The following TRHDE variants were observed in gnomAD, a reference collection of about 807,000 sequenced individuals.
TRHDE encodes thyrotropin releasing hormone degrading enzyme, also known as thyrotropin-releasing hormone-degrading ectoenzyme.
A neutral mutation model predicts 125.7 loss-of-function variants in TRHDE; 72 were observed. The observed-to-expected ratio is 0.57, with a 90% CI of 0.47 to 0.70. The LOEUF (loss-of-function observed/expected upper bound fraction) is 0.70. Among genes scored for constraint, TRHDE ranks in the 30% least tolerant of loss-of-function variants. The pLI, the probability that TRHDE is intolerant of heterozygous loss-of-function variation, is 0.00. For synonymous variants in TRHDE, 509 were observed against 509.1 expected (o/e 1.00, Z 0.00); for missense variants, 1,110 against 1,327.1 (o/e 0.84, Z 2.54).
intron 2 of TRHDE, among the ~76,000 whole-genome samples, chr12:72,328,653 C>A (rs1011501619): frequency 4.6e-5 from 7 of 152,022 alleles, no homozygotes; most frequent in Non-Finnish European, 8.8e-5. Context: ...ACTACACATG[C>A]ATAATAAGTC....
intron 6 of TRHDE, among the ~76,000 whole-genome samples, chr12:72,538,436 C>G (rs926763364): frequency 1.3e-5 from 2 of 151,978 alleles, no homozygotes; most frequent in African/African-American, 4.8e-5. Context: ...TGTTGAGCGC[C>G]TGTTACAAGC....
At position 72,621,199 on chromosome 12, in the gene TRHDE, A is replaced by G; in HGVS notation, c.2561A>G (p.Gln854Arg). The change falls in exon 14 of 19, where the codon CAA (glutamine) becomes CGA (arginine). Residue 854 changes from glutamine to arginine, a missense_variant. Coordinates refer to ENST00000261180, the MANE Select transcript of TRHDE (RefSeq NM_013381.3). ...GGATCTCTTGTTCAAGCATCCTACCAACATGAGTACTGTTTTATTTTCTTA... is the reference window on the plus strand; with the variant it reads ...GGATCTCTTGTTCAAGCATCCTACCGACATGAGTACTGTTTTATTTTCTTA... ...FNGSLVQASY[Q>R]HEELRREVIM... is the part of the protein sequence containing the mutation. The G allele has an allele frequency of 6.2e-7, 1 of 1,602,782 alleles. No individual in the cohort carries two copies. The highest frequency in any genetic ancestry group is 1.1e-5 in the South Asian group (1 of 90,878).
intron 7 of TRHDE, among the ~76,000 whole-genome samples, chr12:72,553,189 A>G (rs1043792569): frequency 2.0e-5 from 3 of 152,078 alleles, no homozygotes; most frequent in African/African-American, 7.2e-5. Flanking sequence ...GTGATTATGA[A>G]TTTATCATAA....
chr12:72,134,120 G>C (rs1232040060), intron 2 of TRHDE, among the ~76,000 whole-genome samples: 1 of 152,100 alleles, frequency 6.6e-6, no homozygotes, highest in Non-Finnish European at 1.5e-5. Flanking sequence ...GCTGATCTCT[G>C]GTTTCCTTCT....
intron 7 of TRHDE, among the ~76,000 whole-genome samples, chr12:72,560,120 A>T (rs1459267937): frequency 1.5e-5 from 2 of 137,086 alleles, no homozygotes; most frequent in South Asian, 2.1e-4. Flanking sequence ...TCTCTTTTAA[A>T]AAAGGGAAAC....
chr12:72,640,291 C>A (rs928901416), intron 15 of TRHDE, among the ~76,000 whole-genome samples: 2 of 152,220 alleles, frequency 1.3e-5, no homozygotes, highest in African/African-American at 4.8e-5. Context: ...TCACCCCTTT[C>A]TTTGACAAGG....
At chr12:72,573,501 A>C (rs1870842999) in intron 10 of TRHDE, among the ~76,000 whole-genome samples, 1 of 151,938 alleles carries the variant, frequency 6.6e-6, no homozygotes, top group South Asian at 2.1e-4. Flanking sequence ...TCTTCCATTG[A>C]ATCATAGATT....
intron 2 of TRHDE, among the ~76,000 whole-genome samples, chr12:72,178,733 A>T (rs1182080795): frequency 2.0e-5 from 3 of 152,134 alleles, no homozygotes; most frequent in Non-Finnish European, 4.4e-5. Flanking sequence ...TACTTCTAAT[A>T]CATAAGAAGA....
At chr12:72,293,018 T>A (rs1880148121) in intron 2 of TRHDE, among the ~76,000 whole-genome samples, 1 of 152,144 alleles carries the variant, frequency 6.6e-6, no homozygotes, top group African/African-American at 2.4e-5. Flanking sequence ...TGGGGTTAAC[T>A]TGATCGCTGG....
intron 2 of TRHDE, among the ~76,000 whole-genome samples, chr12:72,335,814 G>T (rs1377680569): frequency 6.6e-6 from 1 of 152,092 alleles, no homozygotes; most frequent in Non-Finnish European, 1.5e-5. Context: ...TGATAAGTGG[G>T]CAAGATATTT....
chr12:72,193,732 A>T (rs1877383067), intron 2 of TRHDE, among the ~76,000 whole-genome samples: 1 of 152,210 alleles, frequency 6.6e-6, no homozygotes, highest in Non-Finnish European at 1.5e-5. Context: ...AGACAGAAAG[A>T]ATAAATACAC....
intron 2 of TRHDE, among the ~76,000 whole-genome samples, chr12:72,338,540 A>T (rs1424564979): frequency 6.6e-6 from 1 of 152,170 alleles, no homozygotes; most frequent in Non-Finnish European, 1.5e-5. Context: ...CTAGCTTTTT[A>T]TCTGACATCC....
chr12:72,204,812 A>G (rs752964691), intron 2 of TRHDE, among the ~76,000 whole-genome samples: 7 of 152,142 alleles, frequency 4.6e-5, no homozygotes, highest in Non-Finnish European at 8.8e-5. Flanking sequence ...TTTCCTCACT[A>G]GTATTTTCAG....
intron 2 of TRHDE, among the ~76,000 whole-genome samples, chr12:72,122,365 A>G (rs1209558727): frequency 6.6e-6 from 1 of 152,180 alleles, no homozygotes; most frequent in Non-Finnish European, 1.5e-5. Flanking sequence ...TGATTAATTG[A>G]TTAGTTGTGA....
At chr12:72,165,529 A>AT (rs1390956675) in intron 2 of TRHDE, among the ~76,000 whole-genome samples, 3 of 151,996 alleles carry the variant, frequency 2.0e-5, no homozygotes, top group Admixed American at 6.6e-5. Context: ...ACCTCAGAGT[A>AT]TTTTTTGGTA....
intron 2 of TRHDE, among the ~76,000 whole-genome samples, chr12:72,376,790 T>G (rs1185721520): frequency 6.6e-6 from 1 of 152,136 alleles, no homozygotes; most frequent in Non-Finnish European, 1.5e-5. Flanking sequence ...TTTATTTGTT[T>G]TTAATTGAAT....
chr12:72,264,819 T>G (rs965826569), intron 2 of TRHDE, among the ~76,000 whole-genome samples: 1 of 151,688 alleles, frequency 6.6e-6, no homozygotes, highest in African/African-American at 2.4e-5. Flanking sequence ...TTAAATCAAC[T>G]GTATTATAAG....
intron 1 of TRHDE, 100 bp from the exon 2 acceptor site, chr12:72,286,581 T>C: frequency 8.5e-7 from 1 of 1,180,668 alleles, no homozygotes; most frequent in East Asian, 2.4e-5. Context: ...AATATTGCAA[T>C]TTGGAATAAT....
At chr12:72,520,319 C>G (rs569791844) in intron 6 of TRHDE, among the ~76,000 whole-genome samples, 1 of 152,326 alleles carries the variant, frequency 6.6e-6, no homozygotes, top group Admixed American at 6.5e-5. Context: ...ACCCTCCGAG[C>G]CAGGTGCGGG....
Sources: allele counts gnomAD v4.1 joint callset (sites outside exome capture counted in the v4.1 genomes callset), GRCh38; gene constraint gnomAD v4.1.1; transcripts MANE v1.5; gene names NCBI Gene and HGNC (gene_info 2026-07-23, HGNC 2026-07-21).